The following RBFOX1 variants were observed in gnomAD, a reference collection of about 807,000 sequenced individuals.
RBFOX1 encodes the protein RNA binding protein fox-1 homolog 1.
A neutral mutation model predicts 57.7 loss-of-function variants in RBFOX1; 8 were observed. The ratio of observed to expected loss-of-function variants is 0.14; its 90% CI spans 0.08 to 0.25. The LOEUF (loss-of-function observed/expected upper bound fraction) is 0.25, where lower values mean the gene tolerates loss of function less well. Ranked by LOEUF, RBFOX1 falls within the 10% of genes least tolerant of loss-of-function variation. The probability of loss-of-function intolerance (pLI) is 1.00; values close to 1 mark genes in which losing one functional copy is unlikely to be tolerated. For missense variants in RBFOX1, 611 were observed against 548.5 expected, an observed-to-expected ratio of 1.11 and a Z score of -1.14; for synonymous variants, 326 against 222.4, an observed-to-expected ratio of 1.47 and a Z score of -4.15.
At chr16:6,399,815 A>G (rs888111032) in intron 2 of RBFOX1, among the ~76,000 whole-genome samples, 2 of 152,232 alleles carry the variant, frequency 1.3e-5, no homozygotes, top group Admixed American at 1.3e-4. Flanking sequence ...ATGGCTAAGG[A>G]GGCCTCAGGA....
At chr16:5,682,261 C>T (rs2050364856) in intron 3 of RBFOX1, among the ~76,000 whole-genome samples, 3 of 152,284 alleles carry the variant, frequency 2.0e-5, no homozygotes, top group African/African-American at 7.2e-5. Flanking sequence ...AAAGCCTTCC[C>T]ATTGTGGGAG....
chr16:5,506,973 C>A (rs558641636), intron 2 of RBFOX1, among the ~76,000 whole-genome samples: 1 of 152,094 alleles, frequency 6.6e-6, no homozygotes, highest in Admixed American at 6.5e-5. Flanking sequence ...TCAGAGACCA[C>A]CAGATCTCAA....
intron 4 of RBFOX1, among the ~76,000 whole-genome samples, chr16:7,181,287 T>C (rs2082649416): frequency 6.6e-6 from 1 of 152,154 alleles, no homozygotes; most frequent in South Asian, 2.1e-4. Flanking sequence ...ACTGAATGAA[T>C]GAAGTACTGG....
chr16:7,217,976 G>C (rs1567753619), intron 4 of RBFOX1, among the ~76,000 whole-genome samples: 2 of 151,668 alleles, frequency 1.3e-5, no homozygotes, highest in African/African-American at 2.4e-5. Flanking sequence ...GTGTCTGCGT[G>C]TGTGCATGTG....
chr16:6,792,604 G>T (rs959634287), intron 3 of RBFOX1, among the ~76,000 whole-genome samples: 1 of 152,124 alleles, frequency 6.6e-6, no homozygotes, highest in African/African-American at 2.4e-5. Flanking sequence ...CGAAGTCAGG[G>T]TTGCAAAAAG....
intron 1 of RBFOX1, among the ~76,000 whole-genome samples, chr16:6,108,657 A>G (rs1211919176): frequency 6.6e-6 from 1 of 152,194 alleles, no homozygotes; most frequent in Non-Finnish European, 1.5e-5. Context: ...TCTAGATGAC[A>G]GAACTCTGAA....
chr16:6,539,363 A>C (rs2096779499), intron 2 of RBFOX1, among the ~76,000 whole-genome samples: 1 of 152,172 alleles, frequency 6.6e-6, no homozygotes, highest in Non-Finnish European at 1.5e-5. Flanking sequence ...TAATGCAGGA[A>C]AGCATTTAGC....
chr16:6,135,141 G>A (rs1355730672), intron 1 of RBFOX1, among the ~76,000 whole-genome samples: 1 of 152,116 alleles, frequency 6.6e-6, no homozygotes, highest in Non-Finnish European at 1.5e-5. Context: ...TGATGGTTAT[G>A]GTAGTAGGTT....
chr16:5,966,406 A>G (rs968967910), intron 4 of RBFOX1, among the ~76,000 whole-genome samples: 1 of 152,184 alleles, frequency 6.6e-6, no homozygotes, highest in African/African-American at 2.4e-5. Context: ...GACGGTTCAC[A>G]TGGCCGGAGC....
At chr16:7,351,036 T>C (rs2097121770) in intron 4 of RBFOX1, among the ~76,000 whole-genome samples, 1 of 152,218 alleles carries the variant, frequency 6.6e-6, no homozygotes. Context: ...ATGGACTAGG[T>C]TTTCCATCAC....
At chr16:6,822,123 G>A (rs1297995584) in intron 3 of RBFOX1, among the ~76,000 whole-genome samples, 2 of 152,136 alleles carry the variant, frequency 1.3e-5, no homozygotes, top group Non-Finnish European at 1.5e-5. Context: ...GACAGACTGA[G>A]AAAGGATACA....
chr16:6,252,496 A>T (rs938795197), intron 1 of RBFOX1, among the ~76,000 whole-genome samples: 1 of 151,710 alleles, frequency 6.6e-6, no homozygotes, highest in Non-Finnish European at 1.5e-5. Flanking sequence ...AGATCTGTTC[A>T]GTTCTGTAAT....
chr16:7,187,695 A>G (rs2084265488), intron 4 of RBFOX1, among the ~76,000 whole-genome samples: 3 of 15,796 alleles, frequency 1.9e-4, no homozygotes, highest in African/African-American at 7.7e-4. Flanking sequence ...TCTCACAAAA[A>G]AAAAAAAAAA....
At chr16:6,560,486 T>G (rs944880879) in intron 2 of RBFOX1, among the ~76,000 whole-genome samples, 1 of 152,004 alleles carries the variant, frequency 6.6e-6, no homozygotes, top group African/African-American at 2.4e-5. Context: ...GCAAAAGATC[T>G]AAGGCTTGAG....
chr16:5,590,327 G>A (rs1294369364), intron 2 of RBFOX1, among the ~76,000 whole-genome samples: 2 of 152,172 alleles, frequency 1.3e-5, no homozygotes, highest in East Asian at 1.9e-4. Flanking sequence ...TCTGGGAATA[G>A]GGAGGTAAAT....
intron 3 of RBFOX1, among the ~76,000 whole-genome samples, chr16:6,802,672 C>G (rs375674398): frequency 6.6e-6 from 1 of 152,174 alleles, no homozygotes; most frequent in Non-Finnish European, 1.5e-5. Context: ...GAGACTCCGT[C>G]TCAATTAAAA....
chr16:5,933,198 C>G (rs1263259840), intron 4 of RBFOX1, among the ~76,000 whole-genome samples: 4 of 152,180 alleles, frequency 2.6e-5, no homozygotes, highest in Non-Finnish European at 5.9e-5. Flanking sequence ...CTGCCTGTGT[C>G]TTCTCCGCAT....
chr16:7,701,974 C>G (rs1439878336), intron 14 of RBFOX1, among the ~76,000 whole-genome samples: 1 of 152,182 alleles, frequency 6.6e-6, no homozygotes, highest in African/African-American at 2.4e-5. Context: ...TCAAATCTTT[C>G]TGTAGGGCAG....
intron 3 of RBFOX1, among the ~76,000 whole-genome samples, chr16:6,720,703 G>A (rs563174147): frequency 4.6e-5 from 7 of 152,288 alleles, no homozygotes; most frequent in African/African-American, 1.7e-4. Context: ...CCAGGGTGGT[G>A]GGTCAGCTGG....
Sources: allele counts gnomAD v4.1 joint callset (sites outside exome capture counted in the v4.1 genomes callset), GRCh38; gene constraint gnomAD v4.1.1; transcripts MANE v1.5; gene names NCBI Gene and HGNC (gene_info 2026-07-23, HGNC 2026-07-21).